Variants in LRCH3 observed in about 807,000 individuals in gnomAD.
LRCH3 encodes DISP complex protein LRCH3.
Under a neutral mutation model 104.5 loss-of-function variants are expected in LRCH3, and 68 were observed. The ratio of observed to expected loss-of-function variants is 0.65; its 90% CI spans 0.54 to 0.80. The LOEUF (loss-of-function observed/expected upper bound fraction) is 0.80, where lower values mean the gene tolerates loss of function less well. LRCH3 is among the 30% of genes least tolerant of loss of function. LRCH3 has a pLI of 0.00. For missense variants in LRCH3, 951 were observed against 953.9 expected (o/e 1.00, Z 0.04); for synonymous variants, 344 against 361.3 (o/e 0.95, Z 0.54).
intron 20 of LRCH3, among the ~76,000 whole-genome samples, chr3:197,879,450 T>C (rs539364425): frequency 6.6e-6 from 1 of 150,800 alleles, no homozygotes; most frequent in Non-Finnish European, 1.5e-5. Context: ...ATCGAGACCA[T>C]CCTGGCTAAC....
At chr3:197,816,469 G>A (rs1007885886) in intron 2 of LRCH3, among the ~76,000 whole-genome samples, 15 of 152,068 alleles carry the variant, frequency 9.9e-5, no homozygotes, top group East Asian at 1.9e-4. Flanking sequence ...TAGTAGAGAC[G>A]GGGTTTCGCC....
intron 10 of LRCH3, among the ~76,000 whole-genome samples, chr3:197,846,052 T>A (rs1738632406): frequency 6.6e-6 from 1 of 152,186 alleles, no homozygotes; most frequent in Non-Finnish European, 1.5e-5. Context: ...ATGGGAAATT[T>A]TAACAGTGAA....
chr3:197,845,013 A>G (rs1455285201), intron 10 of LRCH3, among the ~76,000 whole-genome samples: 1 of 152,198 alleles, frequency 6.6e-6, no homozygotes, highest in Non-Finnish European at 1.5e-5. Flanking sequence ...GGTGAAAGAA[A>G]GTTTTAGTGA....
At chr3:197,802,141 A>G (rs1225335514) in intron 1 of LRCH3, among the ~76,000 whole-genome samples, 2 of 152,210 alleles carry the variant, frequency 1.3e-5, no homozygotes, top group African/African-American at 4.8e-5. Context: ...GGGTTTACCA[A>G]GATTGTGCCT....
intron 1 of LRCH3, among the ~76,000 whole-genome samples, chr3:197,813,430 C>A (rs1733422837): frequency 6.6e-6 from 1 of 150,816 alleles, no homozygotes; most frequent in Admixed American, 6.6e-5. Flanking sequence ...GCAAGTGATC[C>A]AGATGCTTAA....
intron 1 of LRCH3, among the ~76,000 whole-genome samples, chr3:197,799,364 A>G (rs749752979): frequency 6.6e-5 from 10 of 152,236 alleles, no homozygotes; most frequent in Admixed American, 3.9e-4. Flanking sequence ...GAATTCCTGA[A>G]GCAGCCAGCA....
intron 20 of LRCH3, chr3:197,880,885 C>G: frequency 7.0e-7 from 1 of 1,434,810 alleles, no homozygotes. Context: ...CACCCCCTCA[C>G]ATTAGTAAAC....
chr3:197,870,053 TAGAA>T, intron 17 of LRCH3, 103 bp from the exon 18 acceptor site: 1 of 1,124,024 alleles, frequency 8.9e-7, no homozygotes, highest in East Asian at 2.4e-5. Context: ...CTGCAGGAGG[TAGAA>T]AGCCATGCAC....
At chr3:197,822,110 G>T (rs542053352) in intron 4 of LRCH3, among the ~76,000 whole-genome samples, 1 of 152,226 alleles carries the variant, frequency 6.6e-6, no homozygotes, top group African/African-American at 2.4e-5. Flanking sequence ...AAGTAAATGT[G>T]TAAGAACGTG....
Position 197,883,587 on chromosome 3 carries a change from G to C in LRCH3, c.2255G>C (p.Ser752Thr), listed in dbSNP as rs1713969538. Residue 752 changes from serine to threonine, a missense_variant, in exon 21 of 21, where the codon AGC becomes ACC. Coordinates refer to ENST00000425562, the MANE Select transcript of LRCH3 (RefSeq NM_001365715.1). This position sits in a 1 kb window ranked among gnomAD's most constrained non-coding sequence, Gnocchi z 4.2. Reference sequence around the variant, plus strand: ...CACATTTTAGAAGAGAAAGGTTTGAGCCAGGTTGCAGTGACGGTCCAGGCT... The same window carrying C: ...CACATTTTAGAAGAGAAAGGTTTGACCCAGGTTGCAGTGACGGTCCAGGCT... ...PLHILEEKGLSQVAVTVQALL... is the reference protein window; with the variant it reads ...PLHILEEKGLTQVAVTVQALL... The C allele has an allele frequency of 1.0e-5, 16 of 1,535,938 alleles. No homozygotes were observed. Among genetic ancestry groups the C allele is most frequent in the African/African-American group, 1.4e-5 (1 of 73,024 alleles).
intron 7 of LRCH3, chr3:197,831,166 T>C: frequency 3.7e-6 from 1 of 266,904 alleles, no homozygotes; most frequent in Non-Finnish European, 7.3e-6. Context: ...GGGGGTAATC[T>C]CGAGCAGAGG....
At chr3:197,835,071 G>A (rs1736560099) in intron 8 of LRCH3, among the ~76,000 whole-genome samples, 1 of 152,176 alleles carries the variant, frequency 6.6e-6, no homozygotes, top group Non-Finnish European at 1.5e-5. Flanking sequence ...TTGAACGTGA[G>A]AAGCAGAGGT....
chr3:197,854,355 G>A lies in LRCH3; in HGVS notation c.1591-37G>A. 6.3e-7 allele frequency: 1 copy of A among 1,592,604 alleles called. No individual in the cohort carries two copies. The highest frequency in any genetic ancestry group is 8.6e-7 in the Non-Finnish European group (1 of 1,160,364). On this transcript the variant is annotated intron_variant, in intron 13 of 20. Transcript: ENST00000425562. The surrounding 1 kb of genome is among the most constrained non-coding windows in gnomAD (Gnocchi z 4.5). ...AATACGTCACACGTGTGCGTAGTTT[G>A]TTTCTGACATGGCTTCATTTTTCTC...
intron 20 of LRCH3, chr3:197,880,719 A>G (rs988056552): frequency 2.6e-6 from 4 of 1,536,514 alleles, no homozygotes; most frequent in Non-Finnish European, 3.5e-6. Flanking sequence ...TCGCTGAAAG[A>G]TTGCACTCCG....
chr3:197,821,874 C>T (rs1734530372), intron 4 of LRCH3, among the ~76,000 whole-genome samples: 1 of 152,140 alleles, frequency 6.6e-6, no homozygotes, highest in African/African-American at 2.4e-5. Context: ...GGGTTTTGCC[C>T]TGTTGCCCAG....
At chr3:197,829,821 T>C (rs1482137796) in intron 6 of LRCH3, 148 bp downstream of exon 6, 1 of 628,616 alleles carries the variant, frequency 1.6e-6, no homozygotes, top group Non-Finnish European at 2.7e-6. Flanking sequence ...GTAAAGTTGA[T>C]TACCTAGATC....
At chr3:197,832,700 T>C (rs1736122548) in intron 8 of LRCH3, among the ~76,000 whole-genome samples, 1 of 151,934 alleles carries the variant, frequency 6.6e-6, no homozygotes, top group African/African-American at 2.4e-5. Flanking sequence ...TTTTTTTTTT[T>C]TCAGTGTTTA....
intron 12 of LRCH3, among the ~76,000 whole-genome samples, chr3:197,850,208 C>T (rs1457517934): frequency 6.6e-6 from 1 of 151,976 alleles, no homozygotes; most frequent in African/African-American, 2.4e-5. Context: ...GTATTGAAGA[C>T]TTATGGGAAA....
intron 15 of LRCH3, among the ~76,000 whole-genome samples, chr3:197,859,795 C>T (rs935078058): frequency 2.0e-5 from 3 of 151,110 alleles, no homozygotes; most frequent in Admixed American, 6.6e-5. Flanking sequence ...ACACAAAATA[C>T]AATATTTTTT....
Sources: gnomAD v4.1 joint callset for allele counts (sites outside exome capture counted in the v4.1 genomes callset) on GRCh38, gnomAD v4.1.1 for gene constraint, Gnocchi (gnomAD v3.1) non-coding constraint, MANE v1.5 for transcripts, NCBI Gene and HGNC (gene_info 2026-07-23, HGNC 2026-07-21) for gene names.